Variants in ADAMTS17 observed in about 807,000 individuals in gnomAD.
ADAMTS17 encodes A disintegrin and metalloproteinase with thrombospondin motifs 17.
In ADAMTS17, 113 loss-of-function variants were observed where a neutral mutation model predicts 141.5. The observed-to-expected ratio is 0.80, with a 90% CI of 0.69 to 0.93. The LOEUF is 0.93. Ranked by LOEUF, ADAMTS17 falls within the 40% of genes least tolerant of loss-of-function variation. The pLI, the probability that ADAMTS17 is intolerant of heterozygous loss-of-function variation, is 0.00. For missense variants in ADAMTS17, 1,659 were observed against 1,517.9 expected (o/e 1.09, Z -1.54); for synonymous variants, 768 against 630.6 (o/e 1.22, Z -3.27).
intron 6 of ADAMTS17, among the ~76,000 whole-genome samples, chr15:100,259,419 G>A (rs547430968): frequency 3.0e-4 from 45 of 152,302 alleles, no homozygotes; most frequent in African/African-American, 9.6e-4. Flanking sequence ...GAGCAACAGC[G>A]GCCTCTGGCC....
At chr15:100,084,393 C>T (rs1567145756) in intron 15 of ADAMTS17, among the ~76,000 whole-genome samples, 1 of 152,234 alleles carries the variant, frequency 6.6e-6, no homozygotes, top group Non-Finnish European at 1.5e-5. Context: ...GCTTGCCTGC[C>T]TCTGTAGACT....
At chr15:100,225,202 T>C (rs140788083) in intron 7 of ADAMTS17, among the ~76,000 whole-genome samples, 146 of 152,364 alleles carry the variant, frequency 9.6e-4, no homozygotes, top group African/African-American at 3.3e-3. Flanking sequence ...CTGAGGAACA[T>C]AGCAAAGATT....
intron 3 of ADAMTS17, among the ~76,000 whole-genome samples, chr15:100,288,661 C>A (rs546203798): frequency 3.3e-4 from 50 of 152,254 alleles, no homozygotes; most frequent in African/African-American, 1.2e-3. Flanking sequence ...AAAATTATAT[C>A]AGTCACACTG....
chr15:100,016,043 T>C (rs1054792941), intron 18 of ADAMTS17, among the ~76,000 whole-genome samples: 20 of 152,252 alleles, frequency 1.3e-4, no homozygotes, highest in Non-Finnish European at 7.3e-5. Flanking sequence ...CCCAGACTTC[T>C]TGGAGGCTTT....
intron 12 of ADAMTS17, among the ~76,000 whole-genome samples, chr15:100,127,669 C>A (rs902098749): frequency 6.6e-6 from 1 of 152,222 alleles, no homozygotes; most frequent in African/African-American, 2.4e-5. Context: ...GCAAACTGCA[C>A]CTCCCGGGTA....
At chr15:100,023,205 T>A (rs866054717) in intron 18 of ADAMTS17, among the ~76,000 whole-genome samples, 349 of 142,128 alleles carry the variant, frequency 2.5e-3, no homozygotes, top group South Asian at 9.1e-3. Flanking sequence ...AATAAAAAAA[T>A]TTTTTTTTTT....
intron 18 of ADAMTS17, among the ~76,000 whole-genome samples, chr15:100,022,020 G>A (rs1442522151): frequency 2.6e-5 from 4 of 152,060 alleles, no homozygotes; most frequent in South Asian, 2.1e-4. Context: ...TATGGCTTGG[G>A]TGCTCCTAGG....
At chr15:100,077,019 T>G (rs2034424540) in intron 15 of ADAMTS17, among the ~76,000 whole-genome samples, 1 of 152,120 alleles carries the variant, frequency 6.6e-6, no homozygotes, top group African/African-American at 2.4e-5. Context: ...GAAACAACAC[T>G]GTATCATATA....
At chr15:100,188,427 C>T (rs762192673) in intron 8 of ADAMTS17, among the ~76,000 whole-genome samples, 5 of 151,938 alleles carry the variant, frequency 3.3e-5, no homozygotes, top group Non-Finnish European at 7.4e-5. Flanking sequence ...CACACAAAAC[C>T]AGGTGCTTTG....
At chr15:100,182,931 T>C (rs1010906756) in intron 8 of ADAMTS17, among the ~76,000 whole-genome samples, 2 of 152,212 alleles carry the variant, frequency 1.3e-5, no homozygotes, top group Non-Finnish European at 2.9e-5. Flanking sequence ...TCGGACTTTA[T>C]TTCTTCAAAT....
At position 100,278,951 on chromosome 15, in the gene ADAMTS17, C is replaced by A. The variant is rs566472160; in HGVS notation, c.789+2278G>T. Among the ~76,000 whole-genome samples the A allele has an allele frequency of 4.6e-5, 7 of 152,256 alleles. No individual in the cohort carries two copies. In the South Asian group the frequency reaches 1.5e-3, roughly 32 times the overall value. On this transcript the variant is annotated intron_variant, in intron 4 of 21. Coordinates refer to ENST00000268070, the MANE Select transcript of ADAMTS17 (RefSeq NM_139057.4). ...GGGAAACAAGCTGTGGGATCCCATC[C>A]CCACAAGGGGAGAATCAGTCCTGGT...
intron 20 of ADAMTS17, among the ~76,000 whole-genome samples, chr15:99,992,460 A>C (rs1485287439): frequency 6.6e-6 from 1 of 152,246 alleles, no homozygotes. Flanking sequence ...AACAGGAATC[A>C]TTCAAATATA....
chr15:100,109,221 G>A (rs929243345), intron 13 of ADAMTS17, 105 bp from the exon 14 acceptor site: 52 of 1,500,776 alleles, frequency 3.5e-5, no homozygotes, highest in South Asian at 9.7e-5. Context: ...AGAGAGGTCC[G>A]CACAGGTCAG....
chr15:100,148,356 G>C (rs76431735), intron 10 of ADAMTS17, among the ~76,000 whole-genome samples: 6,274 of 152,178 alleles, frequency 0.041, 156 homozygotes, highest in South Asian at 0.08. Context: ...TCTTTGTGTA[G>C]ATCCATATTT....
At chr15:100,070,696 A>G (rs930606321) in intron 15 of ADAMTS17, among the ~76,000 whole-genome samples, 2 of 150,182 alleles carry the variant, frequency 1.3e-5, no homozygotes, top group Non-Finnish European at 3.0e-5. Flanking sequence ...GACACCAACG[A>G]GAACAAAGAC....
intron 7 of ADAMTS17, among the ~76,000 whole-genome samples, chr15:100,225,679 A>C (rs1356831930): frequency 7.0e-6 from 1 of 143,290 alleles, no homozygotes; most frequent in South Asian, 2.2e-4. Flanking sequence ...TTCAGTCCTT[A>C]CAGCAGTCAC....
intron 4 of ADAMTS17, among the ~76,000 whole-genome samples, chr15:100,274,022 C>T (rs2043998248): frequency 6.6e-6 from 1 of 152,180 alleles, no homozygotes; most frequent in African/African-American, 2.4e-5. Flanking sequence ...TCTAACTTCA[C>T]CCCATTGTTG....
At chr15:100,069,358 G>T (rs1374074193) in intron 15 of ADAMTS17, among the ~76,000 whole-genome samples, 3 of 152,114 alleles carry the variant, frequency 2.0e-5, no homozygotes, top group Admixed American at 2.0e-4. Flanking sequence ...ATCTAGCAAG[G>T]CAGGCCAACA....
chr15:100,079,777 T>G (rs10152728), intron 15 of ADAMTS17, among the ~76,000 whole-genome samples: 1 of 151,932 alleles, frequency 6.6e-6, no homozygotes, highest in Admixed American at 6.6e-5. Flanking sequence ...CCGTGGAGTC[T>G]CGGAATGCCT....
Sources: allele counts gnomAD v4.1 joint callset (sites outside exome capture counted in the v4.1 genomes callset), GRCh38; gene constraint gnomAD v4.1.1; transcripts MANE v1.5; gene names NCBI Gene and HGNC (gene_info 2026-07-23, HGNC 2026-07-21).